DNAJC13: variants seen among roughly 807,000 people sequenced by gnomAD.
DNAJC13 encodes the protein DnaJ heat shock protein family (Hsp40) member C13, also known as dnaJ homolog subfamily C member 13.
Under a neutral mutation model 290.5 loss-of-function variants are expected in DNAJC13, and 75 were observed. That is an observed-to-expected ratio of 0.26 (90% confidence interval 0.21 to 0.31). DNAJC13 has a LOEUF of 0.31. Among genes scored for constraint, DNAJC13 ranks in the 10% least tolerant of loss-of-function variants. DNAJC13 has a pLI of 1.00. For missense variants in DNAJC13, 2,260 were observed against 2,674.5 expected, an observed-to-expected ratio of 0.85 and a Z score of 3.42; for synonymous variants, 862 against 892.0, an observed-to-expected ratio of 0.97 and a Z score of 0.60.
chr3:132,448,702 G>A (rs1218613131), intron 5 of DNAJC13, among the ~76,000 whole-genome samples: 1 of 152,138 alleles, frequency 6.6e-6, no homozygotes, highest in Non-Finnish European at 1.5e-5. Flanking sequence ...TCTCCTGTCT[G>A]TCTTAAGCCC....
chr3:132,460,875 A>G (rs1933768187), intron 14 of DNAJC13, among the ~76,000 whole-genome samples, 175 bp from the exon 15 acceptor site: 1 of 152,240 alleles, frequency 6.6e-6, no homozygotes, highest in Non-Finnish European at 1.5e-5. Flanking sequence ...TGGATTCACT[A>G]TATGAGCAAA....
At chr3:132,440,535 C>T (rs1933028115) in intron 2 of DNAJC13, among the ~76,000 whole-genome samples, 1 of 152,148 alleles carries the variant, frequency 6.6e-6, no homozygotes, top group Admixed American at 6.5e-5. Context: ...TATGATGATC[C>T]CATATGTTTA....
chr3:132,491,182 C>A, intron 32 of DNAJC13, 131 bp downstream of exon 32: 2 of 795,404 alleles, frequency 2.5e-6, no homozygotes, highest in Non-Finnish European at 3.7e-6. Flanking sequence ...ATCATTGATG[C>A]CAAATCAAAT....
rs1373943329 is a variant in DNAJC13, at chr3:132,497,430, G to A, written c.4156+767G>A. ...ATGGTATGTTGGGAGAGAAGGAAGA[G>A]GACTTTCAGGATTTGAGATAAGCAT... On this transcript the variant is annotated intron_variant, in intron 36 of 55. Coordinates refer to ENST00000260818, the MANE Select transcript of DNAJC13 (RefSeq NM_015268.4). Among the ~76,000 whole-genome samples, 4 of 152,142 alleles carry A rather than the reference G, an allele frequency of 2.6e-5. No individual in the cohort carries two copies. In the East Asian group the frequency reaches 7.7e-4, roughly 29 times the overall value.
intron 19 of DNAJC13, among the ~76,000 whole-genome samples, chr3:132,466,922 TTC>T (rs1169556557): frequency 6.6e-6 from 1 of 152,210 alleles, no homozygotes; most frequent in Non-Finnish European, 1.5e-5. Context: ...TCATCACTCC[TTC>T]TCTGTCTGCA....
At chr3:132,488,272 A>G (rs1173453554) in intron 29 of DNAJC13, 26 bp from the exon 30 acceptor site, 2 of 1,565,974 alleles carry the variant, frequency 1.3e-6, no homozygotes, top group South Asian at 1.2e-5. Context: ...TTACAACCCA[A>G]TAAAAACATT....
At chr3:132,485,887 A>G (rs1264376322) in intron 29 of DNAJC13, among the ~76,000 whole-genome samples, 1 of 152,070 alleles carries the variant, frequency 6.6e-6, no homozygotes, top group Non-Finnish European at 1.5e-5. Flanking sequence ...GGTCCTAGAC[A>G]TTTCAGGCAA....
intron 1 of DNAJC13, among the ~76,000 whole-genome samples, chr3:132,426,953 G>T (rs1470477848): frequency 6.6e-6 from 1 of 151,736 alleles, no homozygotes. Context: ...AGATTGACTT[G>T]TAATAGTATT....
At chr3:132,443,207 C>T (rs945180697) in intron 2 of DNAJC13, among the ~76,000 whole-genome samples, 1 of 152,048 alleles carries the variant, frequency 6.6e-6, no homozygotes, top group Non-Finnish European at 1.5e-5. Flanking sequence ...GGCTGGAATA[C>T]AGTGGTATGA....
chr3:132,477,474 C>G (rs1024038308), intron 22 of DNAJC13, among the ~76,000 whole-genome samples: 1 of 152,198 alleles, frequency 6.6e-6, no homozygotes, highest in Non-Finnish European at 1.5e-5. Context: ...GTGTGTTGAG[C>G]AAATCATGTG....
intron 27 of DNAJC13, 58 bp downstream of exon 27, chr3:132,482,388 T>C (rs1033357692): frequency 9.5e-6 from 13 of 1,370,772 alleles, no homozygotes; most frequent in Non-Finnish European, 1.0e-6. Context: ...GCCCTCCTGC[T>C]TAGCACTTAC....
At chr3:132,456,910 C>T (rs1576470550) in intron 12 of DNAJC13, 78 bp downstream of exon 12, 1 of 1,476,394 alleles carries the variant, frequency 6.8e-7, no homozygotes, top group Non-Finnish European at 9.2e-7. Flanking sequence ...CGATTCACCT[C>T]CTTTTCCTTG....
intron 34 of DNAJC13, among the ~76,000 whole-genome samples, 175 bp downstream of exon 34, chr3:132,494,434 T>A (rs935996754): frequency 6.6e-6 from 1 of 152,210 alleles, no homozygotes; most frequent in African/African-American, 2.4e-5. Flanking sequence ...ATTGCAAACT[T>A]ATTAGCCAAA....
Position 132,499,262 on chromosome 3 carries a change from C to T in DNAJC13, c.4293C>T (p.Asn1431=). The change falls in exon 37 of 56, where the codon AAC becomes AAT. Residue 1431 remains asparagine (N), a synonymous_variant. Transcript: ENST00000260818. ...CAGAGCTAGCTTTCCATACTGTCAA[C>T]TGTTCAGCCCTCAATGCTGAAGAGC... ...AATELAFHTV[N]CSALNAEELR... 4 of 1,613,886 alleles carry T rather than the reference C, an allele frequency of 2.5e-6. No homozygotes were observed. The highest frequency in any genetic ancestry group is 1.7e-6 in the Non-Finnish European group (2 of 1,179,840).
Position 132,512,440 on chromosome 3 carries a change from A to G in DNAJC13, c.5294-568A>G, listed in dbSNP as rs1187113013. ...AAATTACACTGTATGTTTTACTACC[A>G]TATAGAAGAGGAAGAATATGCTGAA... is the stretch of plus-strand genomic sequence containing the variant. On this transcript the variant is annotated intron_variant, in intron 44 of 55. Transcript: ENST00000260818. Among the ~76,000 whole-genome samples, 6 of 152,224 alleles carry G rather than the reference A, an allele frequency of 3.9e-5. No homozygotes were observed. The South Asian group carries it at 1.0e-3, about 26-fold the overall frequency.
intron 2 of DNAJC13, among the ~76,000 whole-genome samples, chr3:132,441,813 G>A (rs6794333): frequency 0.21 from 32,518 of 152,026 alleles, 3,930 homozygotes; most frequent in African/African-American, 0.33. Context: ...CTTTGAGACA[G>A]TGACAAGAAT....
rs1277688978 is a variant in DNAJC13 at position 132,498,823 on chromosome 3, C to T, written c.4157-303C>T. Among the ~76,000 whole-genome samples, 4 of 152,200 alleles carry T rather than the reference C, an allele frequency of 2.6e-5. No individual in the cohort carries two copies. The East Asian group carries it at 7.7e-4, about 29-fold the overall frequency. On this transcript the variant is annotated intron_variant, in intron 36 of 55. Coordinates refer to ENST00000260818, the MANE Select transcript of DNAJC13 (RefSeq NM_015268.4). ...CTCCACCTCCCGGGTTCACACCTTT[C>T]TCCTGCCTCAGCCTCCCGAGTAGCT...
At position 132,447,352 on chromosome 3, in the gene DNAJC13, C is replaced by A; in HGVS notation, c.176C>A (p.Pro59His). The change falls in exon 4 of 56, where the codon CCT (proline) becomes CAT (histidine). Residue 59 changes from proline to histidine, a missense_variant. Around this residue, in one of 3 missense-constraint regions of DNAJC13, gnomAD observed 762 missense variants for 964.1 expected, o/e 0.79. Coordinates refer to ENST00000260818, the MANE Select transcript of DNAJC13 (RefSeq NM_015268.4). ...WPYGDICSIS[P>H]VGKGQGTEFN... ...TATGGAGACATTTGCAGCATCAGCCCTGTTGGAAAAGGACAAGGAACGGAG... is the reference window on the plus strand; with the variant it reads ...TATGGAGACATTTGCAGCATCAGCCATGTTGGAAAAGGACAAGGAACGGAG... 5 of 1,596,076 alleles carry A rather than the reference C, an allele frequency of 3.1e-6. No homozygotes were observed. The highest frequency in any genetic ancestry group is 4.3e-6 in the Non-Finnish European group (5 of 1,173,582).
Position 132,505,329 on chromosome 3 carries a change from GA to G in DNAJC13, c.4915del (p.Ser1639ValfsTer4). On this transcript the variant is annotated frameshift_variant, in exon 42 of 56. Transcript: ENST00000260818. LOFTEE classifies it high-confidence loss of function. Reference sequence around the variant, plus strand: ...TTTGAAGATGCTTAACAGCAACACAGAAAGTCCATATTTGATATGGAACAAT... The same window carrying G: ...TTTGAAGATGCTTAACAGCAACACAGAAGTCCATATTTGATATGGAACAAT... The part of the protein sequence containing the change: ...EILKMLNSNT[E>X]SPYLIWNNST... The G allele has an allele frequency of 6.2e-7, 1 of 1,609,114 alleles. No individual in the cohort carries two copies.
Sources: gnomAD v4.1 joint callset for allele counts (sites outside exome capture counted in the v4.1 genomes callset) on GRCh38, gnomAD v4.1.1 for gene constraint, gnomAD v4.1.1 regional missense constraint, MANE v1.5 for transcripts, NCBI Gene and HGNC (gene_info 2026-07-23, HGNC 2026-07-21) for gene names.